PCDHGA7: variants seen among roughly 807,000 people sequenced by gnomAD.
PCDHGA7 encodes the protein protocadherin gamma subfamily A, 7, also known as protocadherin gamma-A7.
In PCDHGA7, 44 loss-of-function variants were observed where a neutral mutation model predicts 58.3. The ratio of observed to expected loss-of-function variants is 0.75; its 90% CI spans 0.59 to 0.97. The LOEUF (loss-of-function observed/expected upper bound fraction) is 0.97, where lower values mean the gene tolerates loss of function less well. PCDHGA7 is among the 50% of genes least tolerant of loss of function. The pLI is 0.00. For missense variants in PCDHGA7, 1,266 were observed against 1,188.7 expected (o/e 1.06, Z -0.96); for synonymous variants, 516 against 504.2 (o/e 1.02, Z -0.31).
chr5:141,502,535 G>A (rs910160644), intron 2 of PCDHGA7, among the ~76,000 whole-genome samples: 14 of 152,172 alleles, frequency 9.2e-5, no homozygotes, highest in South Asian at 2.1e-4. Flanking sequence ...GAGTTTGTTC[G>A]TGTGGTAAAA....
intron 1 of PCDHGA7, chr5:141,422,099 A>C (rs374091819): frequency 6.2e-7 from 1 of 1,609,706 alleles, no homozygotes; most frequent in Non-Finnish European, 8.5e-7. Context: ...AAGGCTTCTG[A>C]AATATTCCAA....
At chr5:141,499,707 T>G (rs1303008532) in intron 2 of PCDHGA7, among the ~76,000 whole-genome samples, 2 of 150,494 alleles carry the variant, frequency 1.3e-5, no homozygotes, top group African/African-American at 2.5e-5. Flanking sequence ...TTTTTTTTTT[T>G]TTTTGGAGAC....
intron 1 of PCDHGA7, among the ~76,000 whole-genome samples, chr5:141,407,384 G>A (rs911492449): frequency 1.3e-5 from 2 of 152,182 alleles, no homozygotes; most frequent in Non-Finnish European, 2.9e-5. Flanking sequence ...AGGCTTGTAT[G>A]TCATGGTAGG....
At chr5:141,468,191 G>A (rs1420885521) in intron 1 of PCDHGA7, among the ~76,000 whole-genome samples, 1 of 151,860 alleles carries the variant, frequency 6.6e-6, no homozygotes, top group African/African-American at 2.4e-5. Flanking sequence ...TGGGCATGGT[G>A]GCGGGTGCCT....
chr5:141,437,756 T>A (rs1208576922), intron 1 of PCDHGA7, among the ~76,000 whole-genome samples: 1 of 151,718 alleles, frequency 6.6e-6, no homozygotes, highest in Non-Finnish European at 1.5e-5. Flanking sequence ...TTTTTTTTTT[T>A]GAGACAGAGT....
intron 1 of PCDHGA7, among the ~76,000 whole-genome samples, chr5:141,488,394 A>C (rs2099674951): frequency 1.3e-5 from 2 of 152,232 alleles, no homozygotes. Flanking sequence ...TGGTGAAACC[A>C]TGAAACCTAG....
chr5:141,447,048 A>T (rs149112101), intron 1 of PCDHGA7, among the ~76,000 whole-genome samples: 1 of 152,066 alleles, frequency 6.6e-6, no homozygotes, highest in Non-Finnish European at 1.5e-5. Flanking sequence ...CTGGAATTCT[A>T]TTAAAATGTG....
intron 1 of PCDHGA7, chr5:141,399,787 A>C (rs111395890): frequency 0.048 from 76,979 of 1,613,184 alleles, 1,998 homozygotes; most frequent in South Asian, 0.077. Flanking sequence ...CCGAAACGAC[A>C]ACGCACCGCG....
chr5:141,490,566 C>T lies in PCDHGA7; in HGVS notation c.2425-4241C>T. 3 of 1,614,132 alleles carry T rather than the reference C, an allele frequency of 1.9e-6. No homozygotes were observed. Among genetic ancestry groups the T allele is most frequent in the Non-Finnish European group, 2.5e-6 (3 of 1,180,028 alleles). On this transcript the variant is annotated intron_variant, in intron 1 of 3. Transcript: ENST00000518325. This position sits in a 1 kb window ranked among gnomAD's most constrained non-coding sequence, Gnocchi z 5.4. ...TACACAAACATCTCACCATCAGGCT[C>T]AACATTTCAGATGTCAATGACAATG...
chr5:141,438,619 TATATATATATATATATACAC>T (rs1310378007), intron 1 of PCDHGA7, among the ~76,000 whole-genome samples: 16 of 39,678 alleles, frequency 4.0e-4, no homozygotes, highest in African/African-American at 1.2e-3. Flanking sequence ...TATATATATA[TATATATATATATATATACAC>T]ACACACACAC....
chr5:141,470,130 A>G (rs915991313), intron 1 of PCDHGA7, among the ~76,000 whole-genome samples: 4 of 151,534 alleles, frequency 2.6e-5, no homozygotes, highest in African/African-American at 4.9e-5. Flanking sequence ...CTTCGTCTCA[A>G]AAAAAAAGAT....
At chr5:141,503,010 A>AT (rs199924715) in intron 2 of PCDHGA7, among the ~76,000 whole-genome samples, 26,593 of 146,658 alleles carry the variant, frequency 0.18, 2,532 homozygotes, top group Admixed American at 0.29. Context: ...TGCCCGGTTA[A>AT]TTTTTTTTTT....
At chr5:141,419,471 G>A in intron 1 of PCDHGA7, 1 of 1,612,462 alleles carries the variant, frequency 6.2e-7, no homozygotes, top group Non-Finnish European at 8.5e-7. Context: ...CCGCGACCAG[G>A]GCTCGCCCGC....
At chr5:141,496,733 C>T (rs1221912777) in intron 2 of PCDHGA7, among the ~76,000 whole-genome samples, 12 of 152,138 alleles carry the variant, frequency 7.9e-5, no homozygotes, top group African/African-American at 9.7e-5. Context: ...TGTATTCATT[C>T]GTTCATTTAT....
rs2093887845 is a variant in PCDHGA7, at chr5:141,399,791, C to T, written c.2424+14468C>T. ...TTGGTGGGCGACCGAAACGACAACG[C>T]ACCGCGGGTGCTGTACCCCGCGCTG... On this transcript the variant is annotated intron_variant, in intron 1 of 3. Transcript: ENST00000518325. 1.2e-6 allele frequency: 2 copies of T among 1,613,128 alleles called. No individual in the cohort carries two copies. Among genetic ancestry groups the T allele is most frequent in the Admixed American group, 1.7e-5 (1 of 59,984 alleles).
chr5:141,499,414 T>C (rs543824206), intron 2 of PCDHGA7, among the ~76,000 whole-genome samples: 1 of 151,804 alleles, frequency 6.6e-6, no homozygotes, highest in Non-Finnish European at 1.5e-5. Context: ...TATAGAAACA[T>C]GAAAAATAGA....
At position 141,423,457 on chromosome 5, in the gene PCDHGA7, G is replaced by A. The variant is rs148481587; in HGVS notation, c.2424+38134G>A. 6.9e-5 allele frequency: 111 copies of A among 1,614,010 alleles called. 2 individuals carry two copies. The South Asian group carries it at 9.3e-4, about 14-fold the overall frequency. ...TATGCCCACGTCACATTTTGTAGGC[G>A]TGGACGGGGTACAGGCTTTCCTGCA... On this transcript the variant is annotated intron_variant, in intron 1 of 3. Coordinates refer to ENST00000518325, the MANE Select transcript of PCDHGA7 (RefSeq NM_018920.4).
chr5:141,487,810 C>G lies in PCDHGA7; in HGVS notation c.2425-6997C>G, dbSNP rs377060474. ...ATTAACCAGAGTTGTCACAGTTTAGCATTGGGGGCGGGTCATGCCTATATC... is the reference window on the plus strand; with the variant it reads ...ATTAACCAGAGTTGTCACAGTTTAGGATTGGGGGCGGGTCATGCCTATATC... On this transcript the variant is annotated intron_variant, in intron 1 of 3. Coordinates refer to ENST00000518325, the MANE Select transcript of PCDHGA7 (RefSeq NM_018920.4). The surrounding 1 kb of genome is among the most constrained non-coding windows in gnomAD (Gnocchi z 5.0). 7.1e-7 allele frequency: 1 copy of G among 1,417,854 alleles called. No homozygotes were observed. The highest frequency in any genetic ancestry group is 2.1e-5 in the Admixed American group (1 of 47,076). The allele number at this position is 1,417,854 out of a possible 1,614,324, so 87.8% of individuals were successfully genotyped here.
At chr5:141,427,678 C>T in intron 1 of PCDHGA7, 1 of 822,634 alleles carries the variant, frequency 1.2e-6, no homozygotes, top group Non-Finnish European at 2.0e-6. Flanking sequence ...AACAACCTTC[C>T]CGGAGCCTCC....
Sources: allele counts gnomAD v4.1 joint callset (sites outside exome capture counted in the v4.1 genomes callset), GRCh38; gene constraint gnomAD v4.1.1; non-coding constraint Gnocchi (gnomAD v3.1); transcripts MANE v1.5; gene names NCBI Gene and HGNC (gene_info 2026-07-23, HGNC 2026-07-21).